Variants in CTDP1 observed in about 807,000 individuals in gnomAD.
CTDP1 encodes RNA polymerase II subunit A C-terminal domain phosphatase.
Under a neutral mutation model 91.8 loss-of-function variants are expected in CTDP1, and 47 were observed. The observed-to-expected ratio is 0.51, with a 90% CI of 0.41 to 0.65. CTDP1 has a LOEUF of 0.65. CTDP1 is among the 30% of genes least tolerant of loss of function. The pLI, the probability that CTDP1 is intolerant of heterozygous loss-of-function variation, is 0.00. For missense variants in CTDP1, 1,272 were observed against 1,373.7 expected, an observed-to-expected ratio of 0.93 and a Z score of 1.17; for synonymous variants, 656 against 598.5, an observed-to-expected ratio of 1.10 and a Z score of -1.40.
In CTDP1 at chr18:79,695,325, G is replaced by A; in HGVS notation, c.398+17G>A. The A allele has an allele frequency of 6.2e-7, 1 of 1,612,514 alleles. No homozygotes were observed. The highest frequency in any genetic ancestry group is 1.1e-5 in the South Asian group (1 of 91,058). Reference sequence around the variant, plus strand: ...CCTCACCCAGTAAGTATCCGGAAGAGTGAGATCGCTGCCTGCTGGGGCTCG... The same window carrying A: ...CCTCACCCAGTAAGTATCCGGAAGAATGAGATCGCTGCCTGCTGGGGCTCG... On this transcript the variant is annotated intron_variant, in intron 2 of 12. Transcript: ENST00000613122.
chr18:79,699,281 G>A (rs547981783), intron 4 of CTDP1, among the ~76,000 whole-genome samples: 1 of 152,204 alleles, frequency 6.6e-6, no homozygotes, highest in Admixed American at 6.5e-5. Context: ...TTGTTTTTGA[G>A]ACAGAGCCTC....
At chr18:79,731,492 C>G (rs1032132647) in intron 11 of CTDP1, among the ~76,000 whole-genome samples, 3 of 152,304 alleles carry the variant, frequency 2.0e-5, no homozygotes, top group African/African-American at 7.2e-5. Flanking sequence ...AATGTGTGCC[C>G]AGTTCCTTGA....
At chr18:79,733,013 A>G (rs983227420) in intron 11 of CTDP1, among the ~76,000 whole-genome samples, 2 of 152,218 alleles carry the variant, frequency 1.3e-5, no homozygotes, top group African/African-American at 4.8e-5. Flanking sequence ...ACTCTAAAGC[A>G]TGCACCCCCA....
chr18:79,731,809 C>T (rs1303675168), intron 11 of CTDP1, among the ~76,000 whole-genome samples: 4 of 152,202 alleles, frequency 2.6e-5, no homozygotes, highest in Non-Finnish European at 5.9e-5. Context: ...GATAAAATGC[C>T]TCAAGAACAG....
At chr18:79,714,290 A>G (rs1049559700) in intron 7 of CTDP1, among the ~76,000 whole-genome samples, 1 of 152,142 alleles carries the variant, frequency 6.6e-6, no homozygotes, top group African/African-American at 2.4e-5. Context: ...AAAAAATTCA[A>G]TATCCAAAAC....
chr18:79,730,883 T>C (rs1245145018), intron 11 of CTDP1, among the ~76,000 whole-genome samples: 1 of 152,116 alleles, frequency 6.6e-6, no homozygotes, highest in African/African-American at 2.4e-5. Context: ...AGCTGTGAGG[T>C]TGTGAATTTG....
At chr18:79,721,845 A>G (rs1249707498) in intron 10 of CTDP1, among the ~76,000 whole-genome samples, 2 of 148,136 alleles carry the variant, frequency 1.4e-5, no homozygotes, top group Non-Finnish European at 3.0e-5. Context: ...TTTTTTTGAG[A>G]CGGAATCTTG....
rs936183704 is a variant in CTDP1, at chr18:79,680,167, G to C, written c.220G>C (p.Val74Leu). ...GTCCCGTGTAGCCTCCGGGGGCTGC[G>C]TGCGCCCCGCGCGGCCGGAACGCAG... ...SQSRVASGGCVRPARPERRLR... is the reference protein window; with the variant it reads ...SQSRVASGGCLRPARPERRLR... Residue 74 changes from valine to leucine, a missense_variant, in exon 1 of 13, where the codon GTG (valine) becomes CTG (leucine). Physicochemically the swap from Val to Leu is conservative, Grantham distance 32. Coordinates refer to ENST00000613122, the MANE Select transcript of CTDP1 (RefSeq NM_004715.5). The C allele has an allele frequency of 1.9e-5, 27 of 1,387,474 alleles. No homozygotes were observed. The highest frequency in any genetic ancestry group is 2.6e-4 in the Middle Eastern group (1 of 3,810). The allele number at this position is 1,387,474 out of a possible 1,614,324, so 85.9% of individuals were successfully genotyped here.
At chr18:79,705,409 C>A (rs1568187052) in intron 5 of CTDP1, among the ~76,000 whole-genome samples, 2 of 152,164 alleles carry the variant, frequency 1.3e-5, no homozygotes, top group African/African-American at 2.4e-5. Flanking sequence ...CAGGACGAAT[C>A]GAGGGGACAG....
chr18:79,679,891 TGCGCTCTGA>T lies in CTDP1; in HGVS notation c.-52_-44del, dbSNP rs2085318022. 1 of 1,291,294 alleles carries T rather than the reference TGCGCTCTGA, an allele frequency of 7.7e-7. No homozygotes were observed. The highest frequency in any genetic ancestry group is 3.7e-5 in the Admixed American group (1 of 27,008). 80.0% of individuals were successfully genotyped at this position (1,291,294 alleles called of 1,614,324 possible). ...TGGGTTGTGTCGCCGCGGTAGGCGC[TGCGCTCTGA>T]GCGCAGCGCAGGCCCCGTACCGACC... On this transcript the variant is annotated 5_prime_UTR_variant, in exon 1 of 13. Coordinates refer to ENST00000613122, the MANE Select transcript of CTDP1 (RefSeq NM_004715.5).
intron 1 of CTDP1, among the ~76,000 whole-genome samples, chr18:79,684,403 G>A (rs922156056): frequency 3.3e-5 from 5 of 152,220 alleles, no homozygotes; most frequent in Admixed American, 6.5e-5. Flanking sequence ...GGAGCACTGC[G>A]GAGAGAGGTA....
chr18:79,740,611 C>G (rs1223904034), intron 12 of CTDP1, among the ~76,000 whole-genome samples: 1 of 152,222 alleles, frequency 6.6e-6, no homozygotes, highest in African/African-American at 2.4e-5. Flanking sequence ...GGTCACTCTG[C>G]TCTTTCCTGT....
intron 12 of CTDP1, among the ~76,000 whole-genome samples, chr18:79,747,310 C>T (rs1213387439): frequency 6.6e-6 from 1 of 152,198 alleles, no homozygotes; most frequent in African/African-American, 2.4e-5. Flanking sequence ...CAGGTTCATT[C>T]TAATGCCATG....
intron 1 of CTDP1, among the ~76,000 whole-genome samples, chr18:79,693,637 C>A (rs575287986): frequency 5.3e-5 from 8 of 152,150 alleles, no homozygotes; most frequent in African/African-American, 1.9e-4. Context: ...GCCCAGGACC[C>A]GGAGGAGCTC....
chr18:79,710,260 A>G (rs981392605), intron 5 of CTDP1, 86 bp from the exon 6 acceptor site: 16 of 1,074,558 alleles, frequency 1.5e-5, no homozygotes, highest in East Asian at 4.8e-5. Flanking sequence ...CTGCCACTTT[A>G]AAAAAAACAT....
intron 1 of CTDP1, among the ~76,000 whole-genome samples, chr18:79,694,274 G>GACACT (rs1436358320): frequency 7.0e-6 from 1 of 142,292 alleles, no homozygotes; most frequent in East Asian, 2.2e-4. Context: ...GGCACCTAGG[G>GACACT]GTGGGCGCTG....
At chr18:79,695,879 C>T (rs773171666) in intron 2 of CTDP1, 98 bp from the exon 3 acceptor site, 10 of 957,370 alleles carry the variant, frequency 1.0e-5, no homozygotes, top group African/African-American at 3.2e-5. Context: ...AGCGTGTGTC[C>T]GTTAAAACAT....
upstream of CTDP1, chr18:79,679,686 C>T (rs2085310878): frequency 5.6e-6 from 3 of 531,134 alleles, no homozygotes; most frequent in Non-Finnish European, 1.1e-5. Flanking sequence ...TCTTCACGGC[C>T]GGCACGCAGG....
At chr18:79,697,691 C>G (rs1205115725) in intron 3 of CTDP1, among the ~76,000 whole-genome samples, 169 bp from the exon 4 acceptor site, 2 of 152,156 alleles carry the variant, frequency 1.3e-5, no homozygotes, top group Non-Finnish European at 2.9e-5. Context: ...GTTGCCGTGA[C>G]CAGGTTGGTG....
Sources: allele counts gnomAD v4.1 joint callset (sites outside exome capture counted in the v4.1 genomes callset), GRCh38; gene constraint gnomAD v4.1.1; transcripts MANE v1.5; gene names NCBI Gene and HGNC (gene_info 2026-07-23, HGNC 2026-07-21).